SMG6: variants seen among roughly 807,000 people sequenced by gnomAD.
The protein encoded by SMG6 is telomerase-binding protein EST1A.
Under a neutral mutation model 142.2 loss-of-function variants are expected in SMG6, and 66 were observed. The ratio of observed to expected loss-of-function variants is 0.46; its 90% CI spans 0.38 to 0.57. The LOEUF (loss-of-function observed/expected upper bound fraction) is 0.57, where lower values mean the gene tolerates loss of function less well. Ranked by LOEUF, SMG6 falls within the 20% of genes least tolerant of loss-of-function variation. The pLI is 0.00. For missense variants in SMG6, 1,793 were observed against 1,832.0 expected (o/e 0.98, Z 0.39); for synonymous variants, 779 against 702.4 (o/e 1.11, Z -1.72).
intron 12 of SMG6, among the ~76,000 whole-genome samples, chr17:2,178,407 G>GGTA (rs1477499695): frequency 2.6e-5 from 4 of 152,254 alleles, no homozygotes; most frequent in Non-Finnish European, 5.9e-5. Context: ...CTTAGATGAA[G>GGTA]GTAATCCCTT....
rs758996856 is a variant in SMG6, at chr17:2,282,671, C to A, written c.2637G>T (p.Gly879=). The A allele has an allele frequency of 6.2e-7, 1 of 1,614,070 alleles. No homozygotes were observed. The highest frequency in any genetic ancestry group is 1.7e-5 in the Admixed American group (1 of 60,018). Residue 879 remains glycine, a synonymous_variant, in exon 8 of 19, where the codon GGG becomes GGT. Coordinates refer to ENST00000263073, the MANE Select transcript of SMG6 (RefSeq NM_017575.5). ...CATCACTGGGACTCAGGCTGCCCAG[C>A]CCATTCTCTTGCTCAGAATCCTTCC... is the stretch of plus-strand genomic sequence containing the variant. ...ESGKDSEQEN[G]LGSLSPSDLN...
intron 10 of SMG6, among the ~76,000 whole-genome samples, chr17:2,190,796 C>T (rs1214129122): frequency 6.6e-6 from 1 of 152,200 alleles, no homozygotes; most frequent in African/African-American, 2.4e-5. Context: ...ACTCCCCATC[C>T]CCTAACCCCC....
chr17:2,247,411 T>G (rs1468609875), intron 8 of SMG6, among the ~76,000 whole-genome samples: 1 of 152,248 alleles, frequency 6.6e-6, no homozygotes, highest in Non-Finnish European at 1.5e-5. Flanking sequence ...ATAAATTGGT[T>G]AATTCATTCA....
intron 13 of SMG6, among the ~76,000 whole-genome samples, chr17:2,145,031 T>C (rs2070619838): frequency 6.6e-6 from 1 of 152,198 alleles, no homozygotes. Flanking sequence ...GTTCATTTAG[T>C]TCTTAAGATC....
intron 12 of SMG6, among the ~76,000 whole-genome samples, chr17:2,178,154 A>T (rs909992424): frequency 1.6e-4 from 25 of 152,218 alleles, no homozygotes; most frequent in Non-Finnish European, 2.6e-4. Context: ...CATTGGGCGA[A>T]GGATTTGATT....
chr17:2,070,219 C>T (rs144763232), intron 15 of SMG6, among the ~76,000 whole-genome samples: 2 of 152,340 alleles, frequency 1.3e-5, no homozygotes, highest in African/African-American at 4.8e-5. Context: ...AGCGGCCCTT[C>T]GAGACCGGCT....
At chr17:2,168,632 T>A (rs1431929946) in intron 13 of SMG6, among the ~76,000 whole-genome samples, 1 of 152,142 alleles carries the variant, frequency 6.6e-6, no homozygotes, top group Non-Finnish European at 1.5e-5. Flanking sequence ...GGCTCACACC[T>A]ATAATCCCAG....
At chr17:2,230,497 A>C (rs540617854) in intron 10 of SMG6, among the ~76,000 whole-genome samples, 5 of 152,206 alleles carry the variant, frequency 3.3e-5, no homozygotes, top group Non-Finnish European at 7.4e-5. Flanking sequence ...TCTTCAACTG[A>C]TATGATAAAA....
At chr17:2,164,193 C>T (rs889062840) in intron 13 of SMG6, among the ~76,000 whole-genome samples, 16 of 150,228 alleles carry the variant, frequency 1.1e-4, no homozygotes, top group East Asian at 2.0e-4. Context: ...GAGGTGGAGG[C>T]GGGCAAATCA....
chr17:2,222,373 C>G (rs1395575929), intron 10 of SMG6, among the ~76,000 whole-genome samples: 1 of 151,808 alleles, frequency 6.6e-6, no homozygotes, highest in East Asian at 1.9e-4. Flanking sequence ...ATTCACCAGA[C>G]AGATGGCTGG....
At chr17:2,223,966 T>C (rs2073247847) in intron 10 of SMG6, among the ~76,000 whole-genome samples, 1 of 152,158 alleles carries the variant, frequency 6.6e-6, no homozygotes, top group African/African-American at 2.4e-5. Context: ...GTAAGTCTGA[T>C]GGAACAAGGA....
At chr17:2,155,994 AC>A (rs2070987097) in intron 13 of SMG6, among the ~76,000 whole-genome samples, 1 of 151,328 alleles carries the variant, frequency 6.6e-6, no homozygotes, top group Non-Finnish European at 1.5e-5. Flanking sequence ...CTTCTTGGGG[AC>A]CCAGAAAACT....
intron 13 of SMG6, among the ~76,000 whole-genome samples, chr17:2,145,924 A>C (rs1404730934): frequency 6.6e-6 from 1 of 152,098 alleles, no homozygotes; most frequent in Non-Finnish European, 1.5e-5. Context: ...TGCTCTATCT[A>C]AATCTCAATA....
chr17:2,127,747 T>C (rs1474453034), intron 13 of SMG6: 1 of 558,734 alleles, frequency 1.8e-6, no homozygotes. Context: ...CTGATGTAGT[T>C]TGAGTTTTAT....
intron 9 of SMG6, chr17:2,236,874 T>A (rs1313064925): frequency 8.3e-6 from 10 of 1,208,192 alleles, no homozygotes; most frequent in Non-Finnish European, 1.0e-5. Flanking sequence ...CAACTCAAGT[T>A]TTGGATAAAT....
intron 13 of SMG6, among the ~76,000 whole-genome samples, chr17:2,139,002 T>C (rs932926377): frequency 6.6e-6 from 1 of 152,194 alleles, no homozygotes; most frequent in Non-Finnish European, 1.5e-5. Context: ...GCTGGAGATG[T>C]GTAGCGTGGC....
At position 2,071,102 on chromosome 17, in the gene SMG6, C is replaced by T. The variant is rs1174696096; in HGVS notation, c.3682-2171G>A. 2.6e-5 allele frequency among the ~76,000 whole-genome samples: 4 copies of T among 152,168 alleles called. No individual in the cohort carries two copies. The highest frequency in any genetic ancestry group is 5.9e-5 in the Non-Finnish European group (4 of 68,038). Reference sequence around the variant, plus strand: ...ACAGAACAAGCATGGCTTAGGGAGACGTGGGAGCAGTGGCAGCTGGAGTGA... The same window carrying T: ...ACAGAACAAGCATGGCTTAGGGAGATGTGGGAGCAGTGGCAGCTGGAGTGA... On this transcript the variant is annotated intron_variant, in intron 15 of 18. Transcript: ENST00000263073. The surrounding 1 kb of genome is among the most constrained non-coding windows in gnomAD (Gnocchi z 5.6).
At chr17:2,064,698 G>A (rs1231247995) in intron 18 of SMG6, among the ~76,000 whole-genome samples, 6 of 151,608 alleles carry the variant, frequency 4.0e-5, no homozygotes, top group African/African-American at 1.4e-4. Flanking sequence ...CCTCAGAGCT[G>A]CAGAGGGCTG....
At chr17:2,171,935 T>G (rs997111018) in intron 13 of SMG6, among the ~76,000 whole-genome samples, 3 of 152,104 alleles carry the variant, frequency 2.0e-5, no homozygotes, top group Non-Finnish European at 4.4e-5. Context: ...CGGTGGCTAC[T>G]ACTTCCCTAG....
Sources: allele counts gnomAD v4.1 joint callset (sites outside exome capture counted in the v4.1 genomes callset), GRCh38; gene constraint gnomAD v4.1.1; non-coding constraint Gnocchi (gnomAD v3.1); transcripts MANE v1.5; gene names NCBI Gene and HGNC (gene_info 2026-07-23, HGNC 2026-07-21).